NXPE4: variants seen among roughly 807,000 people sequenced by gnomAD.
NXPE4 encodes the protein NXPE family member 4.
NXPE4 carries 42 observed loss-of-function variants against 33.3 expected under a neutral mutation model. The observed-to-expected ratio is 1.26, with a 90% confidence interval of 0.98 to 1.63. The LOEUF (loss-of-function observed/expected upper bound fraction) is 1.63. Ranked by LOEUF, NXPE4 falls within the 40% of genes most tolerant of loss-of-function variation. The probability of loss-of-function intolerance (pLI) is 0.00; values close to 1 mark genes in which losing one functional copy is unlikely to be tolerated. For synonymous variants in NXPE4, 253 were observed against 234.9 expected (o/e 1.08, Z -0.71); for missense variants, 709 against 647.6 (o/e 1.09, Z -1.03).
chr11:114,604,738 G>A, the NXPE4 span, among the ~76,000 whole-genome samples: 2 of 151,912 alleles, frequency 1.3e-5, no homozygotes, highest in South Asian at 4.1e-4. Flanking sequence ...TTACTCGGTG[G>A]ATAATAAGTA....
At chr11:114,633,917 A>T in the NXPE4 span, among the ~76,000 whole-genome samples, 1 of 152,066 alleles carries the variant, frequency 6.6e-6, no homozygotes. Flanking sequence ...GTGCCACAAT[A>T]AACATATGTG....
the NXPE4 span, among the ~76,000 whole-genome samples, chr11:114,650,061 AC>A: frequency 6.6e-6 from 1 of 152,192 alleles, no homozygotes; most frequent in East Asian, 1.9e-4. Context: ...CACTGCTTCC[AC>A]CCTAACAATG....
the NXPE4 span, among the ~76,000 whole-genome samples, chr11:114,639,730 AATATAAAATAAT>A: frequency 7.9e-6 from 1 of 126,930 alleles, no homozygotes; most frequent in African/African-American, 2.9e-5. Flanking sequence ...ATAGTAATAT[AATATAAAATAAT>A]ATATAATATA....
chr11:114,573,310 G>C (rs533279649), intron 5 of NXPE4, among the ~76,000 whole-genome samples: 17 of 151,978 alleles, frequency 1.1e-4, no homozygotes, highest in African/African-American at 3.9e-4. Flanking sequence ...AGAAAAACAA[G>C]GTATTTAGGC....
At chr11:114,606,487 G>A in the NXPE4 span, among the ~76,000 whole-genome samples, 2 of 150,500 alleles carry the variant, frequency 1.3e-5, no homozygotes, top group East Asian at 4.0e-4. Context: ...ACTGTTCCTT[G>A]GTGGATAATA....
chr11:114,648,916 CTTATG>C, the NXPE4 span, among the ~76,000 whole-genome samples: 1 of 150,496 alleles, frequency 6.6e-6, no homozygotes, highest in Non-Finnish European at 1.5e-5. Context: ...GTCAATACAT[CTTATG>C]TTATATGATA....
chr11:114,650,417 A>C, the NXPE4 span, among the ~76,000 whole-genome samples: 5 of 152,224 alleles, frequency 3.3e-5, no homozygotes, highest in Non-Finnish European at 7.3e-5. Context: ...AAAGACTCAG[A>C]GAAGACCAGG....
intron 2 of NXPE4, among the ~76,000 whole-genome samples, chr11:114,590,786 T>G (rs563210936): frequency 6.6e-6 from 1 of 152,356 alleles, no homozygotes; most frequent in African/African-American, 2.4e-5. Context: ...CTACTGGTAC[T>G]GGAGGTCATC....
chr11:114,670,996 A>G, the NXPE4 span, among the ~76,000 whole-genome samples: 9 of 150,050 alleles, frequency 6.0e-5, no homozygotes, highest in African/African-American at 2.2e-4. Flanking sequence ...GGAAATTATT[A>G]TGGCAATACC....
the NXPE4 span, among the ~76,000 whole-genome samples, chr11:114,605,644 A>T: frequency 8.2e-5 from 11 of 134,098 alleles, no homozygotes; most frequent in East Asian, 4.5e-4. Flanking sequence ...GGGTAACCAC[A>T]GTTAGCTGGT....
the NXPE4 span, among the ~76,000 whole-genome samples, chr11:114,649,256 T>C: frequency 3.3e-5 from 5 of 152,186 alleles, no homozygotes; most frequent in Non-Finnish European, 7.4e-5. Flanking sequence ...ATGGTAATAC[T>C]AATGAACCAC....
chr11:114,639,698 A>G, the NXPE4 span, among the ~76,000 whole-genome samples: 2 of 137,218 alleles, frequency 1.5e-5, no homozygotes, highest in African/African-American at 2.7e-5. Context: ...TCTATTCTAT[A>G]ATATATTCTA....
Position 114,583,031 on chromosome 11 carries a change from C to T in NXPE4, c.97-10G>A, listed in dbSNP as rs1949193140. On this transcript the variant is annotated splice_polypyrimidine_tract_variant and intron_variant, in intron 2 of 5. Coordinates refer to ENST00000375478, the MANE Select transcript of NXPE4 (RefSeq NM_001077639.2). ...TTAGAGCAGACCAAACCTGAAATGA[C>T]AGCAAATGTGACATGAGATGGATAA... The T allele has an allele frequency of 6.3e-7, 1 of 1,596,922 alleles. No individual in the cohort carries two copies. Among genetic ancestry groups the T allele is most frequent in the South Asian group, 1.1e-5 (1 of 89,010 alleles).
the NXPE4 span, among the ~76,000 whole-genome samples, chr11:114,664,899 G>C: frequency 7.9e-5 from 12 of 152,260 alleles, no homozygotes; most frequent in Admixed American, 4.6e-4. Context: ...TTGCCCAGCT[G>C]TTGGCTAATG....
the NXPE4 span, among the ~76,000 whole-genome samples, chr11:114,670,766 A>G: frequency 6.6e-6 from 1 of 151,966 alleles, no homozygotes; most frequent in African/African-American, 2.4e-5. Context: ...ATCAGTATAT[A>G]AATTTGCTAT....
At chr11:114,584,840 A>T (rs1326529028) in intron 2 of NXPE4, 2 of 152,208 alleles carry the variant, frequency 1.3e-5, no homozygotes, top group Non-Finnish European at 2.9e-5. Context: ...AGAAATTAAG[A>T]CCCTGAGCCC....
chr11:114,603,085 A>T, the NXPE4 span, among the ~76,000 whole-genome samples: 1 of 151,788 alleles, frequency 6.6e-6, no homozygotes, highest in South Asian at 2.1e-4. Flanking sequence ...TACCTAGTGG[A>T]TAATAATTAT....
the NXPE4 span, among the ~76,000 whole-genome samples, chr11:114,647,129 A>C: frequency 6.6e-6 from 1 of 152,308 alleles, no homozygotes; most frequent in South Asian, 2.1e-4. Context: ...TGAAATGGTA[A>C]TATTAAATAA....
chr11:114,640,090 TATA>T, the NXPE4 span, among the ~76,000 whole-genome samples: 3 of 92,546 alleles, frequency 3.2e-5, no homozygotes, highest in Non-Finnish European at 6.4e-5. Context: ...TATAATGTAA[TATA>T]ATATATGATT....
Sources: allele counts gnomAD v4.1 joint callset (sites outside exome capture counted in the v4.1 genomes callset), GRCh38; gene constraint gnomAD v4.1.1; transcripts MANE v1.5; gene names NCBI Gene and HGNC (gene_info 2026-07-23, HGNC 2026-07-21).